The following CDH18 variants were observed in gnomAD, a reference collection of about 807,000 sequenced individuals.
CDH18 encodes cadherin-18.
CDH18 carries 31 observed loss-of-function variants against 67.9 expected under a neutral mutation model. The ratio of observed to expected loss-of-function variants is 0.46; its 90% CI spans 0.34 to 0.62. The LOEUF (loss-of-function observed/expected upper bound fraction) is 0.62, where lower values mean the gene tolerates loss of function less well. CDH18 is among the 20% of genes least tolerant of loss of function. The probability of loss-of-function intolerance (pLI) is 0.01; values close to 1 mark genes in which losing one functional copy is unlikely to be tolerated. For missense variants in CDH18, 890 were observed against 975.5 expected (o/e 0.91, Z 1.17); for synonymous variants, 362 against 347.2 (o/e 1.04, Z -0.48).
At chr5:20,560,456 C>T (rs1758135227) in intron 1 of CDH18, among the ~76,000 whole-genome samples, 1 of 145,030 alleles carries the variant, frequency 6.9e-6, no homozygotes, top group Non-Finnish European at 1.5e-5. Flanking sequence ...CTGCCCTGGC[C>T]CCCAACACTC....
At chr5:19,958,460 T>C (rs1348203906) in intron 2 of CDH18, among the ~76,000 whole-genome samples, 1 of 148,274 alleles carries the variant, frequency 6.7e-6, no homozygotes, top group Non-Finnish European at 1.5e-5. Flanking sequence ...ATCAAGGTCA[T>C]TATGAACTGC....
chr5:19,691,295 G>A (rs922507912), intron 5 of CDH18, among the ~76,000 whole-genome samples: 3 of 151,752 alleles, frequency 2.0e-5, no homozygotes, highest in African/African-American at 7.2e-5. Context: ...TATACTGAAT[G>A]GAGAAAACTG....
At chr5:20,302,800 C>T (rs571506166) in intron 1 of CDH18, among the ~76,000 whole-genome samples, 1 of 152,304 alleles carries the variant, frequency 6.6e-6, no homozygotes, top group South Asian at 2.1e-4. Context: ...TACACAAGAT[C>T]AGCTGCTACT....
At chr5:19,766,897 T>C (rs925780272) in intron 3 of CDH18, among the ~76,000 whole-genome samples, 1 of 152,178 alleles carries the variant, frequency 6.6e-6, no homozygotes, top group Non-Finnish European at 1.5e-5. Flanking sequence ...TTCCCTATTA[T>C]ACTATCTTTT....
intron 2 of CDH18, among the ~76,000 whole-genome samples, chr5:19,910,656 A>T (rs965973402): frequency 6.6e-6 from 1 of 152,158 alleles, no homozygotes; most frequent in Non-Finnish European, 1.5e-5. Flanking sequence ...ACAAACATCA[A>T]ATCAAAATAA....
At chr5:20,319,018 T>A (rs1486297686) in intron 1 of CDH18, among the ~76,000 whole-genome samples, 3 of 152,200 alleles carry the variant, frequency 2.0e-5, no homozygotes, top group Non-Finnish European at 4.4e-5. Context: ...CTACTTGGAA[T>A]AGGACCCCAC....
intron 5 of CDH18, among the ~76,000 whole-genome samples, chr5:19,684,909 G>A (rs995387329): frequency 6.6e-6 from 1 of 151,992 alleles, no homozygotes; most frequent in African/African-American, 2.4e-5. Flanking sequence ...CACTTCTCAG[G>A]TTGTAATATG....
intron 4 of CDH18, among the ~76,000 whole-genome samples, chr5:19,729,856 C>T (rs1043279977): frequency 6.6e-5 from 10 of 152,170 alleles, no homozygotes; most frequent in Non-Finnish European, 8.8e-5. Flanking sequence ...CTGTCCTGCT[C>T]TGCTCTGCTT....
intron 2 of CDH18, among the ~76,000 whole-genome samples, chr5:20,012,890 G>A (rs1263306886): frequency 6.6e-6 from 1 of 151,988 alleles, no homozygotes; most frequent in African/African-American, 2.4e-5. Context: ...TCTACACACA[G>A]TGGGGCCTAT....
chr5:20,284,911 G>A (rs1746569319), intron 1 of CDH18, among the ~76,000 whole-genome samples: 1 of 151,772 alleles, frequency 6.6e-6, no homozygotes, highest in Non-Finnish European at 1.5e-5. Context: ...GGTCTATAAT[G>A]TTGTACTATA....
chr5:20,489,095 A>G (rs1356252537), intron 1 of CDH18, among the ~76,000 whole-genome samples: 2 of 152,016 alleles, frequency 1.3e-5, no homozygotes, highest in African/African-American at 4.8e-5. Flanking sequence ...TCTCTATTAC[A>G]TACATCCAGG....
chr5:19,606,176 C>T (rs1748003790), intron 6 of CDH18, among the ~76,000 whole-genome samples: 1 of 151,680 alleles, frequency 6.6e-6, no homozygotes, highest in East Asian at 1.9e-4. Flanking sequence ...CAGAATCCAA[C>T]TGATTTAAGT....
At chr5:19,698,134 G>A (rs1398407676) in intron 5 of CDH18, among the ~76,000 whole-genome samples, 1 of 152,118 alleles carries the variant, frequency 6.6e-6, no homozygotes, top group Non-Finnish European at 1.5e-5. Context: ...TGCATCATAT[G>A]GCAATTAGAA....
At chr5:20,245,832 T>G (rs1365128078) in intron 2 of CDH18, among the ~76,000 whole-genome samples, 1 of 152,148 alleles carries the variant, frequency 6.6e-6, no homozygotes, top group African/African-American at 2.4e-5. Context: ...TAATCTTAAC[T>G]GTGCTATGAT....
At chr5:20,312,997 C>A (rs1027791066) in intron 1 of CDH18, among the ~76,000 whole-genome samples, 1 of 151,936 alleles carries the variant, frequency 6.6e-6, no homozygotes, top group Non-Finnish European at 1.5e-5. Flanking sequence ...GTGCTTAAAA[C>A]AATGGTTGAG....
At chr5:19,908,706 T>C (rs572143472) in intron 2 of CDH18, among the ~76,000 whole-genome samples, 34 of 152,306 alleles carry the variant, frequency 2.2e-4, no homozygotes, top group African/African-American at 6.5e-4. Flanking sequence ...CCTATTTTCA[T>C]CTGAGCTGAG....
At chr5:20,075,762 A>G (rs1389163998) in intron 2 of CDH18, among the ~76,000 whole-genome samples, 1 of 152,166 alleles carries the variant, frequency 6.6e-6, no homozygotes, top group Admixed American at 6.5e-5. Flanking sequence ...CTAATGCAAA[A>G]TTCCCCTGTG....
chr5:20,417,298 T>C (rs533157229), intron 1 of CDH18, among the ~76,000 whole-genome samples: 1 of 152,274 alleles, frequency 6.6e-6, no homozygotes, highest in South Asian at 2.1e-4. Context: ...TTGGCAACAA[T>C]GGTAATATTG....
At chr5:20,475,816 G>A (rs1238882776) in intron 1 of CDH18, among the ~76,000 whole-genome samples, 1 of 152,082 alleles carries the variant, frequency 6.6e-6, no homozygotes, top group Non-Finnish European at 1.5e-5. Context: ...AAGATGCTTT[G>A]GGTATTTCAA....
Sources: gnomAD v4.1 joint callset for allele counts (sites outside exome capture counted in the v4.1 genomes callset) on GRCh38, gnomAD v4.1.1 for gene constraint, MANE v1.5 for transcripts, NCBI Gene and HGNC (gene_info 2026-07-23, HGNC 2026-07-21) for gene names.